RBFOX1: variants seen among roughly 807,000 people sequenced by gnomAD.
The protein encoded by RBFOX1 is RNA binding fox-1 homolog 1, also known as RNA binding protein fox-1 homolog 1.
A neutral mutation model predicts 57.7 loss-of-function variants in RBFOX1; 8 were observed. The ratio of observed to expected loss-of-function variants is 0.14; its 90% CI spans 0.08 to 0.25. The LOEUF is 0.25. RBFOX1 is among the 10% of genes least tolerant of loss of function. The pLI, the probability that RBFOX1 is intolerant of heterozygous loss-of-function variation, is 1.00. For missense variants in RBFOX1, 611 were observed against 548.5 expected (o/e 1.11, Z -1.14); for synonymous variants, 326 against 222.4 (o/e 1.47, Z -4.15).
At chr16:5,250,690 C>T (rs1428477723) in intron 1 of RBFOX1, among the ~76,000 whole-genome samples, 2 of 139,374 alleles carry the variant, frequency 1.4e-5, no homozygotes, top group Non-Finnish European at 1.6e-5. Flanking sequence ...CATTGTCTCA[C>T]GTTGGAACCT....
intron 4 of RBFOX1, among the ~76,000 whole-genome samples, chr16:7,458,856 T>C (rs1049471696): frequency 5.9e-5 from 9 of 152,216 alleles, no homozygotes; most frequent in African/African-American, 2.2e-4. Context: ...TTTGACATAC[T>C]ATGTATTTTA....
chr16:5,790,669 C>G (rs1372016034), intron 3 of RBFOX1, among the ~76,000 whole-genome samples: 1 of 151,958 alleles, frequency 6.6e-6, no homozygotes, highest in African/African-American at 2.4e-5. Flanking sequence ...TGGATGAAGA[C>G]AACAATACCT....
At position 6,098,563 on chromosome 16, in the gene RBFOX1, G is replaced by C. The variant is rs906404524; in HGVS notation, c.-127+78571G>C. ...AGAGCAATTAATTATAGAAGCATTAGTCCTGCAGAAACCCTGCTTCAGTCT... is the reference window on the plus strand; with the variant it reads ...AGAGCAATTAATTATAGAAGCATTACTCCTGCAGAAACCCTGCTTCAGTCT... On this transcript the variant is annotated intron_variant, in intron 1 of 15. Coordinates refer to ENST00000550418, the MANE Select transcript of RBFOX1 (RefSeq NM_018723.4). 1.1e-4 allele frequency among the ~76,000 whole-genome samples: 17 copies of C among 152,332 alleles called. No homozygotes were observed. The East Asian group carries it at 3.1e-3, about 28-fold the overall frequency.
At chr16:6,945,360 C>T (rs2079294561) in intron 3 of RBFOX1, among the ~76,000 whole-genome samples, 1 of 152,170 alleles carries the variant, frequency 6.6e-6, no homozygotes, top group African/African-American at 2.4e-5. Flanking sequence ...ATCAGTCAAA[C>T]ATGGCCCATT....
At chr16:6,043,689 G>T (rs778743609) in intron 1 of RBFOX1, among the ~76,000 whole-genome samples, 1 of 152,226 alleles carries the variant, frequency 6.6e-6, no homozygotes, top group East Asian at 1.9e-4. Context: ...TTTATTTTAG[G>T]TCTCCTGCCT....
intron 3 of RBFOX1, among the ~76,000 whole-genome samples, chr16:5,795,750 T>G (rs2054856296): frequency 6.6e-6 from 1 of 152,238 alleles, no homozygotes; most frequent in African/African-American, 2.4e-5. Flanking sequence ...CATATATCCC[T>G]CCTAACTTTT....
chr16:6,576,523 A>G (rs768746874), intron 2 of RBFOX1, among the ~76,000 whole-genome samples: 3 of 152,156 alleles, frequency 2.0e-5, no homozygotes, highest in Non-Finnish European at 4.4e-5. Flanking sequence ...AAACTTGAGG[A>G]CATTGAAATG....
At chr16:6,118,256 C>T (rs563615814) in intron 1 of RBFOX1, among the ~76,000 whole-genome samples, 1 of 152,268 alleles carries the variant, frequency 6.6e-6, no homozygotes, top group East Asian at 1.9e-4. Flanking sequence ...TCCATTATTC[C>T]ACATTGTTTT....
chr16:7,496,140 T>C (rs1254802112), intron 4 of RBFOX1, among the ~76,000 whole-genome samples: 1 of 152,136 alleles, frequency 6.6e-6, no homozygotes, highest in African/African-American at 2.4e-5. Flanking sequence ...CTCACCTTTT[T>C]ATTTTATTTT....
intron 4 of RBFOX1, among the ~76,000 whole-genome samples, chr16:7,314,392 T>C (rs2096391023): frequency 6.6e-6 from 1 of 152,222 alleles, no homozygotes; most frequent in Non-Finnish European, 1.5e-5. Flanking sequence ...CAGTGAAGAC[T>C]GCTTCATAAA....
In RBFOX1 at chr16:6,079,120, C is replaced by G. The variant is rs575747166; in HGVS notation, c.-127+59128C>G. 1.7e-3 allele frequency among the ~76,000 whole-genome samples: 264 copies of G among 151,508 alleles called. 1 individual carries two copies. The highest frequency in any genetic ancestry group is 3.4e-3 in the Non-Finnish European group (231 of 67,918). On this transcript the variant is annotated intron_variant, in intron 1 of 15. Transcript: ENST00000550418. Reference sequence around the variant, plus strand: ...GGTCAGGAGTTCAAGACTAACCTGACCAACATGGTGAAACCTCATCTCTAC... The same window carrying G: ...GGTCAGGAGTTCAAGACTAACCTGAGCAACATGGTGAAACCTCATCTCTAC...
Position 7,008,650 on chromosome 16 carries a change from C to CTTTTT in RBFOX1, c.-15-43406_-15-43405insTTTTT, listed in dbSNP as rs1491114641. ...CCTCCCTTCCTCCCTCCCTTCCTTC[C>CTTTTT]TCCTCCCTTCCTCCCTCCCTCCCTT... On this transcript the variant is annotated intron_variant, in intron 3 of 15. Coordinates refer to ENST00000550418, the MANE Select transcript of RBFOX1 (RefSeq NM_018723.4). Among the ~76,000 whole-genome samples, 4 of 26,924 alleles carry CTTTTT rather than the reference C, an allele frequency of 1.5e-4. 1 individual carries two copies. The highest frequency in any genetic ancestry group is 1.0e-3 in the African/African-American group (4 of 3,998). 17.7% of individuals were successfully genotyped at this position (26,924 alleles called of 152,430 possible). A position where few individuals can be genotyped will look rare whatever the true frequency, so the allele number is the denominator to read the frequency against.
At chr16:6,844,185 C>A (rs181307413) in intron 3 of RBFOX1, among the ~76,000 whole-genome samples, 1 of 151,772 alleles carries the variant, frequency 6.6e-6, no homozygotes, top group African/African-American at 2.4e-5. Flanking sequence ...CTGGAGGAAT[C>A]TTCTTTTTTT....
Position 5,946,876 on chromosome 16 carries a change from A to C in RBFOX1, c.351+79541A>C, listed in dbSNP as rs1461989724. ...TGTGAAATAAAACCCAACACATATG[A>C]GTGTAGAGGTATGCTGCTTGAGTGG... On this transcript the variant is annotated intron_variant, in intron 4 of 19. Transcript: ENST00000641259. This position sits in a 1 kb window ranked among gnomAD's most constrained non-coding sequence, Gnocchi z 4.6. Among the ~76,000 whole-genome samples, 1 of 152,088 alleles carries C rather than the reference A, an allele frequency of 6.6e-6. No individual in the cohort carries two copies. The highest frequency in any genetic ancestry group is 1.5e-5 in the Non-Finnish European group (1 of 68,032).
At chr16:7,655,297 G>C (rs913677602) in intron 12 of RBFOX1, among the ~76,000 whole-genome samples, 1 of 152,190 alleles carries the variant, frequency 6.6e-6, no homozygotes, top group Non-Finnish European at 1.5e-5. Flanking sequence ...GTAAGACAAA[G>C]TCCATCAAAT....
At chr16:5,328,960 C>T (rs916416623) in intron 1 of RBFOX1, among the ~76,000 whole-genome samples, 11 of 152,224 alleles carry the variant, frequency 7.2e-5, no homozygotes, top group Admixed American at 6.5e-4. Context: ...CTTCCGAATA[C>T]TTTATTTCTC....
chr16:5,891,217 G>C (rs1181728606), intron 4 of RBFOX1, among the ~76,000 whole-genome samples: 6 of 151,968 alleles, frequency 3.9e-5, no homozygotes, highest in Non-Finnish European at 8.8e-5. Flanking sequence ...TCGTGCATGT[G>C]AGGGACAGAG....
At chr16:7,602,852 A>G (rs1050539990) in intron 9 of RBFOX1, among the ~76,000 whole-genome samples, 1 of 152,220 alleles carries the variant, frequency 6.6e-6, no homozygotes, top group African/African-American at 2.4e-5. Flanking sequence ...ACAAGTCTCA[A>G]CAAATTTTTA....
chr16:7,552,104 T>C (rs970394403), intron 5 of RBFOX1, among the ~76,000 whole-genome samples: 2 of 152,236 alleles, frequency 1.3e-5, no homozygotes, highest in African/African-American at 4.8e-5. Context: ...TCTCATTCTC[T>C]CCACCACCCG....
Sources: allele counts gnomAD v4.1 joint callset (sites outside exome capture counted in the v4.1 genomes callset), GRCh38; gene constraint gnomAD v4.1.1; non-coding constraint Gnocchi (gnomAD v3.1); transcripts MANE v1.5; gene names NCBI Gene and HGNC (gene_info 2026-07-23, HGNC 2026-07-21).